Variants in DOCK8 observed in about 807,000 individuals in gnomAD.
The protein encoded by DOCK8 is dedicator of cytokinesis 8.
A neutral mutation model predicts 245.6 loss-of-function variants in DOCK8; 141 were observed. The ratio of observed to expected loss-of-function variants is 0.57; its 90% CI spans 0.50 to 0.66. The LOEUF (loss-of-function observed/expected upper bound fraction) is 0.66. Among genes scored for constraint, DOCK8 ranks in the 30% least tolerant of loss-of-function variants. The pLI is 0.00. For missense variants in DOCK8, 2,965 were observed against 2,603.4 expected (o/e 1.14, Z -3.02); for synonymous variants, 1,168 against 970.2 (o/e 1.20, Z -3.79).
At chr9:249,264 C>A (rs906256947) in intron 1 of DOCK8, among the ~76,000 whole-genome samples, 6 of 151,620 alleles carry the variant, frequency 4.0e-5, no homozygotes, top group African/African-American at 1.5e-4. Context: ...GTGCCACGCC[C>A]AGTTCTTTTG....
chr9:428,527 T>C, intron 35 of DOCK8, 31 bp downstream of exon 35: 1 of 1,612,748 alleles, frequency 6.2e-7, no homozygotes, highest in South Asian at 1.1e-5. Flanking sequence ...TTCTTCCTCT[T>C]AATTAAGAGT....
At chr9:397,517 C>T (rs747510992) in intron 25 of DOCK8, among the ~76,000 whole-genome samples, 3 of 151,666 alleles carry the variant, frequency 2.0e-5, no homozygotes, top group Non-Finnish European at 2.9e-5. Flanking sequence ...GTTGAAACCC[C>T]GTCTCTACTA....
intron 1 of DOCK8, among the ~76,000 whole-genome samples, chr9:260,490 T>C (rs1048209635): frequency 1.3e-5 from 2 of 152,246 alleles, no homozygotes; most frequent in Admixed American, 6.5e-5. Context: ...TTGTGCACTT[T>C]CTTTATATCG....
intron 26 of DOCK8, among the ~76,000 whole-genome samples, chr9:399,545 A>T (rs2131419657): frequency 6.6e-6 from 1 of 152,274 alleles, no homozygotes; most frequent in African/African-American, 2.4e-5. Context: ...TTTGACATTC[A>T]ACAGAAAATT....
At chr9:215,565 AT>A in intron 1 of DOCK8, 2 of 939,730 alleles carry the variant, frequency 2.1e-6, no homozygotes, top group Non-Finnish European at 2.9e-6. Flanking sequence ...TGGCATCGCT[AT>A]TTTTATACCC....
chr9:457,125 A>C (rs1265089280), intron 46 of DOCK8: 1 of 150,874 alleles, frequency 6.6e-6, no homozygotes, highest in African/African-American at 2.4e-5. Context: ...TGGAAAAAGA[A>C]GCAGTAGTTT....
intron 2 of DOCK8, chr9:276,973 A>G (rs1324253710): frequency 2.9e-6 from 1 of 339,372 alleles, no homozygotes; most frequent in Non-Finnish European, 6.2e-6. Context: ...CGCCTGGCTA[A>G]TTTTTGTATT....
chr9:448,714 C>T (rs4741959), intron 44 of DOCK8, among the ~76,000 whole-genome samples: 89,963 of 151,970 alleles, frequency 0.59, 29,706 homozygotes, highest in East Asian at 0.99. Context: ...CTCGTAAGGA[C>T]ACCAGTCATA....
intron 14 of DOCK8, among the ~76,000 whole-genome samples, chr9:348,625 C>T (rs1391177073): frequency 6.6e-6 from 1 of 152,202 alleles, no homozygotes; most frequent in Non-Finnish European, 1.5e-5. Context: ...GTTAGGCTTG[C>T]ATTTGACTCT....
At chr9:407,957 C>T (rs760778242) in intron 28 of DOCK8, among the ~76,000 whole-genome samples, 28 of 152,182 alleles carry the variant, frequency 1.8e-4, no homozygotes, top group Non-Finnish European at 3.5e-4. Context: ...TACAGAATTG[C>T]AGGAACTTGC....
intron 20 of DOCK8, among the ~76,000 whole-genome samples, chr9:378,048 T>C (rs2053590056): frequency 6.6e-6 from 1 of 152,182 alleles, no homozygotes; most frequent in Admixed American, 6.5e-5. Flanking sequence ...CCCAGTACTG[T>C]ACTAAAAGTT....
intron 5 of DOCK8, among the ~76,000 whole-genome samples, chr9:310,519 C>A (rs111770173): frequency 0.021 from 3,262 of 152,328 alleles, 102 homozygotes; most frequent in African/African-American, 0.074. Flanking sequence ...AGTACAGTGG[C>A]ACCATCTCGG....
chr9:235,059 G>A (rs566679216), intron 1 of DOCK8, among the ~76,000 whole-genome samples: 6 of 152,178 alleles, frequency 3.9e-5, no homozygotes, highest in South Asian at 2.1e-4. Context: ...TGATGGTGAC[G>A]TACAGATGGG....
At chr9:439,468 A>G (rs2057017228) in intron 40 of DOCK8, 80 bp downstream of exon 40, 2 of 1,571,448 alleles carry the variant, frequency 1.3e-6, no homozygotes, top group Non-Finnish European at 1.7e-6. Context: ...CCTGGTCTTA[A>G]TGGCCCAGTC....
At chr9:326,777 G>C (rs1180025428) in intron 8 of DOCK8, among the ~76,000 whole-genome samples, 1 of 152,198 alleles carries the variant, frequency 6.6e-6, no homozygotes, top group African/African-American at 2.4e-5. Context: ...CTGAAGAAGA[G>C]AAAAGAAGGA....
chr9:249,752 G>T (rs1368383957), intron 1 of DOCK8, among the ~76,000 whole-genome samples: 1 of 151,680 alleles, frequency 6.6e-6, no homozygotes, highest in Non-Finnish European at 1.5e-5. Context: ...CAAGTAACTG[G>T]GATTACAGGT....
At chr9:290,334 G>A (rs866882048) in intron 4 of DOCK8, among the ~76,000 whole-genome samples, 6 of 150,958 alleles carry the variant, frequency 4.0e-5, no homozygotes, top group Admixed American at 6.6e-5. Flanking sequence ...TTTGATATTT[G>A]GCCTGAGATA....
chr9:462,580 C>T (rs773756525), intron 46 of DOCK8, among the ~76,000 whole-genome samples: 2 of 152,224 alleles, frequency 1.3e-5, no homozygotes, highest in Admixed American at 6.5e-5. Flanking sequence ...GCCCCTTCCC[C>T]TCAGCCCATA....
chr9:399,262 G>C lies in DOCK8; in HGVS notation c.3234+3G>C. ...TCATCAGACATTATTGCAGCCAGGT[G>C]AGTGTCCCCCCCACCCCCACCCCCG... On this transcript the variant is annotated splice_donor_region_variant and intron_variant, in intron 26 of 47. Transcript: ENST00000432829. The C allele has an allele frequency of 1.2e-6, 2 of 1,603,840 alleles. No individual in the cohort carries two copies. Among genetic ancestry groups the C allele is most frequent in the Non-Finnish European group, 1.7e-6 (2 of 1,175,654 alleles).
Sources: allele counts gnomAD v4.1 joint callset (sites outside exome capture counted in the v4.1 genomes callset), GRCh38; gene constraint gnomAD v4.1.1; transcripts MANE v1.5; gene names NCBI Gene and HGNC (gene_info 2026-07-23, HGNC 2026-07-21).